TULP4: variants seen among roughly 807,000 people sequenced by gnomAD.
TULP4 encodes tubby-related protein 4.
A neutral mutation model predicts 129.0 loss-of-function variants in TULP4; 16 were observed. That is an observed-to-expected ratio of 0.12 (90% CI 0.08 to 0.19). TULP4 has a LOEUF of 0.19. TULP4 is among the 10% of genes least tolerant of loss of function. The pLI, the probability that TULP4 is intolerant of heterozygous loss-of-function variation, is 1.00. For synonymous variants in TULP4, 998 were observed against 854.0 expected (o/e 1.17, Z -2.94); for missense variants, 1,842 against 2,059.1 (o/e 0.89, Z 2.04).
At chr6:158,386,057 C>A (rs1777441673) in intron 1 of TULP4, among the ~76,000 whole-genome samples, 1 of 151,826 alleles carries the variant, frequency 6.6e-6, no homozygotes, top group Admixed American at 6.6e-5. Context: ...GTTGCTCAGG[C>A]TGATCTTGAA....
chr6:158,502,647 C>G lies in TULP4; in HGVS notation c.2984C>G (p.Thr995Arg). The change falls in exon 13 of 14, where the codon ACG becomes AGG. Residue 995 changes from threonine to arginine, a missense_variant. This residue lies in a region of TULP4 where 1,089 missense variants were observed against 987.1 expected (regional missense o/e 1.10). Transcript: ENST00000367097. ...ATLRRNNREA[T>R]LKMAQLADSP... ...CTGCGGAGGAACAACCGTGAGGCTACGCTCAAGATGGCCCAGCTGGCCGAC... is the reference window on the plus strand; with the variant it reads ...CTGCGGAGGAACAACCGTGAGGCTAGGCTCAAGATGGCCCAGCTGGCCGAC... 6.3e-7 allele frequency: 1 copy of G among 1,578,132 alleles called. No homozygotes were observed. The highest frequency in any genetic ancestry group is 8.6e-7 in the Non-Finnish European group (1 of 1,166,070).
At chr6:158,265,142 T>G (rs181967930) in intron 1 of TULP4, among the ~76,000 whole-genome samples, 117 of 152,250 alleles carry the variant, frequency 7.7e-4, no homozygotes, top group African/African-American at 2.7e-3. Context: ...GAGCAGATAG[T>G]CTGTTCACTT....
chr6:158,475,743 C>T (rs1036825742), intron 6 of TULP4, among the ~76,000 whole-genome samples: 1 of 152,174 alleles, frequency 6.6e-6, no homozygotes, highest in African/African-American at 2.4e-5. Context: ...TGTGAGGTGG[C>T]AAAATCAGGA....
rs34622886 is a variant in TULP4, at chr6:158,502,598, G to A, written c.2935G>A (p.Asp979Asn). ...GGGGCGGGGGGCTGCCCAGAGGTCC[G>A]ACAATAGCCTCATCCACGCTACCCT... is the stretch of plus-strand genomic sequence containing the variant. ...AQGRGAAQRS[D>N]NSLIHATLRR... Residue 979 changes from aspartate (D) to asparagine (N), a missense_variant, in exon 13 of 14, where the codon GAC (aspartate) becomes AAC (asparagine). Asp to Asn is a conservative substitution (Grantham distance 23). Coordinates refer to ENST00000367097, the MANE Select transcript of TULP4 (RefSeq NM_020245.5). The A allele has an allele frequency of 3.6e-5, 57 of 1,601,024 alleles. No homozygotes were observed. Among genetic ancestry groups the A allele is most frequent in the Middle Eastern group, 3.3e-4 (2 of 6,078 alleles).
chr6:158,388,002 G>A (rs1395311875), intron 1 of TULP4, among the ~76,000 whole-genome samples: 1 of 152,120 alleles, frequency 6.6e-6, no homozygotes, highest in Non-Finnish European at 1.5e-5. Flanking sequence ...TCTCCAACAA[G>A]TGAATTCTAA....
intron 5 of TULP4, among the ~76,000 whole-genome samples, chr6:158,457,010 T>A (rs1779306517): frequency 6.6e-6 from 1 of 152,120 alleles, no homozygotes; most frequent in African/African-American, 2.4e-5. Context: ...TTGTAACTTA[T>A]TTTTTTATCC....
chr6:158,421,350 G>T (rs1305023007), intron 2 of TULP4, among the ~76,000 whole-genome samples: 2 of 139,800 alleles, frequency 1.4e-5, no homozygotes, highest in African/African-American at 5.8e-5. Context: ...CCACAGAGCG[G>T]GGCTCCGTCT....
rs769631816 is a variant in TULP4 at position 158,493,730 on chromosome 6, A to C, written c.1776+13A>C. 3 of 1,537,634 alleles carry C rather than the reference A, an allele frequency of 2.0e-6. No individual in the cohort carries two copies. Reference sequence around the variant, plus strand: ...AGACATCACTCAGGTAGGAGCCCCCAGTTACCCTGCCTTGCTCCCCTCCTC... The same window carrying C: ...AGACATCACTCAGGTAGGAGCCCCCCGTTACCCTGCCTTGCTCCCCTCCTC... On this transcript the variant is annotated intron_variant, in intron 10 of 13. Coordinates refer to ENST00000367097, the MANE Select transcript of TULP4 (RefSeq NM_020245.5). The surrounding 1 kb of genome is among the most constrained non-coding windows in gnomAD (Gnocchi z 4.4).
At chr6:158,468,422 A>G (rs556567277) in intron 6 of TULP4, among the ~76,000 whole-genome samples, 101 of 152,232 alleles carry the variant, frequency 6.6e-4, no homozygotes, top group African/African-American at 2.3e-3. Context: ...TATCTCTAAT[A>G]TTTTTCCACC....
At chr6:158,359,646 C>A (rs986842322) in intron 1 of TULP4, among the ~76,000 whole-genome samples, 3 of 152,170 alleles carry the variant, frequency 2.0e-5, no homozygotes, top group Non-Finnish European at 4.4e-5. Context: ...GAGGGTGGGT[C>A]TGCCTCTCCG....
At chr6:158,261,063 C>T (rs111963263) in intron 1 of TULP4, among the ~76,000 whole-genome samples, 2,337 of 152,092 alleles carry the variant, frequency 0.015, 65 homozygotes, top group African/African-American at 0.054. Context: ...AGGTGATCCG[C>T]CCGCTTCAGC....
At chr6:158,481,661 C>T in intron 8 of TULP4, 1 of 264,062 alleles carries the variant, frequency 3.8e-6, no homozygotes. Context: ...AGATACAGTC[C>T]CTACCCTCCC....
At chr6:158,422,477 G>A (rs1778367234) in intron 2 of TULP4, among the ~76,000 whole-genome samples, 1 of 152,212 alleles carries the variant, frequency 6.6e-6, no homozygotes, top group South Asian at 2.1e-4. Flanking sequence ...TCAGAGATAA[G>A]TGATACGGCT....
intron 6 of TULP4, among the ~76,000 whole-genome samples, chr6:158,467,113 C>G (rs1779570886): frequency 6.6e-6 from 1 of 152,130 alleles, no homozygotes. Flanking sequence ...TGTGGTCCAG[C>G]TGCTCAAGCC....
intron 11 of TULP4, among the ~76,000 whole-genome samples, chr6:158,496,630 T>C (rs1780344297): frequency 6.6e-6 from 1 of 152,254 alleles, no homozygotes; most frequent in Admixed American, 6.5e-5. Flanking sequence ...TAGATAAGGC[T>C]GATTTTTAAT....
intron 1 of TULP4, among the ~76,000 whole-genome samples, chr6:158,305,118 C>T (rs1190573883): frequency 6.6e-6 from 1 of 152,112 alleles, no homozygotes; most frequent in East Asian, 1.9e-4. Flanking sequence ...TCCCCTCAGC[C>T]CCTGGCACTC....
At chr6:158,470,022 G>C (rs683990) in intron 6 of TULP4, among the ~76,000 whole-genome samples, 2 of 151,694 alleles carry the variant, frequency 1.3e-5, no homozygotes, top group African/African-American at 2.4e-5. Flanking sequence ...CCATGCAGTG[G>C]GTGTTATAGC....
At chr6:158,462,334 CAGAG>C (rs1003807477) in intron 6 of TULP4, among the ~76,000 whole-genome samples, 1 of 150,712 alleles carries the variant, frequency 6.6e-6, no homozygotes, top group Admixed American at 6.6e-5. Flanking sequence ...CTTCTTGGTG[CAGAG>C]AGAGAGAGAC....
chr6:158,279,342 T>TA (rs1778707348), upstream of TULP4, among the ~76,000 whole-genome samples: 1 of 152,210 alleles, frequency 6.6e-6, no homozygotes, highest in Non-Finnish European at 1.5e-5. Flanking sequence ...TTTTAAAAGA[T>TA]ACTGTTAAAT....
Sources: allele counts gnomAD v4.1 joint callset (sites outside exome capture counted in the v4.1 genomes callset), GRCh38; gene constraint gnomAD v4.1.1; regional missense constraint gnomAD v4.1.1; non-coding constraint Gnocchi (gnomAD v3.1); transcripts MANE v1.5; gene names NCBI Gene and HGNC (gene_info 2026-07-23, HGNC 2026-07-21).